The following HERC3 variants were observed in gnomAD, a reference collection of about 807,000 sequenced individuals.
HERC3 encodes the protein HECT and RLD domain containing E3 ubiquitin protein ligase 3.
HERC3 carries 58 observed loss-of-function variants against 129.9 expected under a neutral mutation model. That is an observed-to-expected ratio of 0.45 (90% CI 0.36 to 0.56). HERC3 has a LOEUF of 0.56. HERC3 is among the 20% of genes least tolerant of loss of function. The probability of loss-of-function intolerance (pLI) is 0.00; values close to 1 mark genes in which losing one functional copy is unlikely to be tolerated. For missense variants in HERC3, 835 were observed against 1,244.2 expected, an observed-to-expected ratio of 0.67 and a Z score of 4.95; for synonymous variants, 430 against 451.0, an observed-to-expected ratio of 0.95 and a Z score of 0.59.
intron 13 of HERC3, 142 bp downstream of exon 13, chr4:88,667,630 C>T: frequency 1.6e-6 from 1 of 642,828 alleles, no homozygotes; most frequent in Non-Finnish European, 2.7e-6. Context: ...GGGAATTAGA[C>T]CTACCTTTTG....
intron 23 of HERC3, among the ~76,000 whole-genome samples, chr4:88,702,996 G>T (rs1180777972): frequency 6.6e-6 from 1 of 152,194 alleles, no homozygotes; most frequent in East Asian, 1.9e-4. Flanking sequence ...AAGCCAGCCT[G>T]CTATAAGTCA....
rs879096427 is a variant in HERC3, at chr4:88,704,503, G to C, written c.2842-5G>C. ...CATTTTTTTCTTTTTCTCTTTTTTGGACAGACTGCCATCTACAAGGGAGAT... is the reference window on the plus strand; with the variant it reads ...CATTTTTTTCTTTTTCTCTTTTTTGCACAGACTGCCATCTACAAGGGAGAT... On this transcript the variant is annotated splice_region_variant and splice_polypyrimidine_tract_variant and intron_variant, in intron 24 of 25. Coordinates refer to ENST00000402738, the MANE Select transcript of HERC3 (RefSeq NM_014606.3). 6.3e-6 allele frequency: 10 copies of C among 1,583,562 alleles called. No individual in the cohort carries two copies. Among genetic ancestry groups the C allele is most frequent in the South Asian group, 3.3e-5 (3 of 89,774 alleles).
At chr4:88,706,679 C>A in intron 25 of HERC3, 73 bp from the exon 26 acceptor site, 1 of 1,237,522 alleles carries the variant, frequency 8.1e-7, no homozygotes, top group Non-Finnish European at 1.2e-6. Context: ...CCTTCCTCTC[C>A]TGTTGCCAGA....
At chr4:88,553,828 G>A in the HERC3 span, among the ~76,000 whole-genome samples, 6 of 152,120 alleles carry the variant, frequency 3.9e-5, no homozygotes, top group Non-Finnish European at 7.3e-5. Flanking sequence ...GAGCCACTGC[G>A]CGGCCACCAT....
chr4:88,697,512 G>A (rs768177364), intron 23 of HERC3: 1 of 1,614,056 alleles, frequency 6.2e-7, no homozygotes, highest in Non-Finnish European at 8.5e-7. Flanking sequence ...TGAGGGCCAG[G>A]ACTCGGCATT....
intron 2 of HERC3, among the ~76,000 whole-genome samples, chr4:88,604,985 A>G (rs1047342516): frequency 4.6e-5 from 7 of 152,248 alleles, no homozygotes; most frequent in African/African-American, 1.7e-4. Context: ...GAATTGTTAA[A>G]AGGTAATGAA....
chr4:88,639,903 TC>T (rs1489117099), intron 3 of HERC3, among the ~76,000 whole-genome samples: 2 of 151,988 alleles, frequency 1.3e-5, no homozygotes, highest in Non-Finnish European at 2.9e-5. Context: ...AAAAACCCCT[TC>T]ATAAAGTGGG....
chr4:88,627,796 T>A (rs1282359436), intron 3 of HERC3, among the ~76,000 whole-genome samples: 1 of 149,048 alleles, frequency 6.7e-6, no homozygotes, highest in Non-Finnish European at 1.5e-5. Flanking sequence ...CCCAGCTACT[T>A]GGGAGGCTGA....
chr4:88,622,745 A>T (rs1402016789), intron 3 of HERC3, among the ~76,000 whole-genome samples: 1 of 152,182 alleles, frequency 6.6e-6, no homozygotes, highest in Admixed American at 6.5e-5. Context: ...CCTGGCCAAC[A>T]TGGTGAAACC....
chr4:88,587,432 G>A, the HERC3 span, among the ~76,000 whole-genome samples: 1 of 152,102 alleles, frequency 6.6e-6, no homozygotes. Flanking sequence ...ATTGTTACAA[G>A]GGACAACACA....
the HERC3 span, among the ~76,000 whole-genome samples, chr4:88,559,886 C>A: frequency 6.6e-6 from 1 of 152,026 alleles, no homozygotes; most frequent in Non-Finnish European, 1.5e-5. Flanking sequence ...GCAGCTGTAC[C>A]AAATCTGCAT....
At chr4:88,613,191 C>G (rs1178194001) in intron 3 of HERC3, among the ~76,000 whole-genome samples, 1 of 152,182 alleles carries the variant, frequency 6.6e-6, no homozygotes, top group East Asian at 1.9e-4. Context: ...TAATTTGACT[C>G]TGCTAAATTT....
rs147186131 is a variant in HERC3 at position 88,605,331 on chromosome 4, C to T, written c.-29-464C>T. On this transcript the variant is annotated intron_variant, in intron 2 of 25. Coordinates refer to ENST00000402738, the MANE Select transcript of HERC3 (RefSeq NM_014606.3). ...AAGTGGTGAAATACTACTAACCAAT[C>T]TAATATTAGGGTACCTAAAGGAGTT... 8.9e-3 allele frequency among the ~76,000 whole-genome samples: 1,354 copies of T among 152,152 alleles called. 19 individuals carry two copies. The highest frequency in any genetic ancestry group is 0.03 in the African/African-American group (1,264 of 41,492).
At chr4:88,586,791 T>A in the HERC3 span, among the ~76,000 whole-genome samples, 1 of 152,230 alleles carries the variant, frequency 6.6e-6, no homozygotes, top group African/African-American at 2.4e-5. Flanking sequence ...ACACATTTCA[T>A]ATAGCAAATA....
At chr4:88,690,004 C>CTATA in intron 23 of HERC3, 1 of 985,116 alleles carries the variant, frequency 1.0e-6, no homozygotes, top group South Asian at 4.7e-5. Context: ...GGAAAGTGAG[C>CTATA]TATAGTATCA....
chr4:88,697,617 G>A, intron 23 of HERC3: 2 of 1,609,128 alleles, frequency 1.2e-6, no homozygotes, highest in Non-Finnish European at 1.7e-6. Flanking sequence ...GACCAGCCGC[G>A]CTGTCAGGGT....
intron 2 of HERC3, among the ~76,000 whole-genome samples, chr4:88,604,326 T>C (rs1578148532): frequency 6.6e-6 from 1 of 152,252 alleles, no homozygotes; most frequent in Non-Finnish European, 1.5e-5. Flanking sequence ...GCCTAAAATT[T>C]ACCTATTTAA....
At chr4:88,675,625 A>G (rs1578292948) in intron 16 of HERC3, among the ~76,000 whole-genome samples, 1 of 151,886 alleles carries the variant, frequency 6.6e-6, no homozygotes, top group Admixed American at 6.6e-5. Context: ...GTTTTTTACC[A>G]TTACTCCCCT....
intron 3 of HERC3, among the ~76,000 whole-genome samples, chr4:88,616,913 C>A (rs955907786): frequency 2.6e-5 from 4 of 152,038 alleles, no homozygotes; most frequent in Non-Finnish European, 5.9e-5. Flanking sequence ...CCTGCCAAAT[C>A]TCTAGCCTAC....
Sources: gnomAD v4.1 joint callset for allele counts (sites outside exome capture counted in the v4.1 genomes callset) on GRCh38, gnomAD v4.1.1 for gene constraint, MANE v1.5 for transcripts, NCBI Gene and HGNC (gene_info 2026-07-23, HGNC 2026-07-21) for gene names.